Variants in LIPI observed in about 807,000 individuals in gnomAD.
The protein encoded by LIPI is lipase member I.
Under a neutral mutation model 50.6 loss-of-function variants are expected in LIPI, and 59 were observed. That is an observed-to-expected ratio of 1.16 (90% CI 0.94 to 1.45). The LOEUF (loss-of-function observed/expected upper bound fraction) is 1.45. Ranked by LOEUF, LIPI falls within the 40% of genes most tolerant of loss-of-function variation. The probability of loss-of-function intolerance (pLI) is 0.00; values close to 1 mark genes in which losing one functional copy is unlikely to be tolerated. For synonymous variants in LIPI, 203 were observed against 178.2 expected, an observed-to-expected ratio of 1.14 and a Z score of -1.11; for missense variants, 586 against 536.3, an observed-to-expected ratio of 1.09 and a Z score of -0.92.
In LIPI at chr21:14,125,055, TAACTTGAAGACATTTTTAGAC is replaced by T. The variant is rs574288021; in HGVS notation, c.1296-15996_1296-15976del. ...GAGAAATTATCTTTCAAAATGAAGATAACTTGAAGACATTTTTAGACACTAAATGTTGAAAAATTCACTACC... is the reference window on the plus strand; with the variant it reads ...GAGAAATTATCTTTCAAAATGAAGATACTAAATGTTGAAAAATTCACTACC... On this transcript the variant is annotated intron_variant, in intron 9 of 9. Coordinates refer to ENST00000681601, the MANE Select transcript of LIPI (RefSeq NM_001302998.2). Among the ~76,000 whole-genome samples, 734 of 152,220 alleles carry T rather than the reference TAACTTGAAGACATTTTTAGAC, an allele frequency of 4.8e-3. 4 individuals are homozygous for T. The highest frequency in any genetic ancestry group is 0.017 in the African/African-American group (696 of 41,540).
At chr21:14,191,326 G>C (rs1438962926) in intron 1 of LIPI, among the ~76,000 whole-genome samples, 3 of 144,380 alleles carry the variant, frequency 2.1e-5, no homozygotes, top group Non-Finnish European at 4.5e-5. Flanking sequence ...GCAGTGAGCC[G>C]AGATCCCGCC....
chr21:14,149,408 G>C (rs1433879874), intron 8 of LIPI, among the ~76,000 whole-genome samples: 1 of 152,116 alleles, frequency 6.6e-6, no homozygotes, highest in Non-Finnish European at 1.5e-5. Context: ...ACTTCGGTAG[G>C]AACACAGAGT....
At chr21:14,190,562 A>G (rs1568879020) in intron 1 of LIPI, among the ~76,000 whole-genome samples, 1 of 152,206 alleles carries the variant, frequency 6.6e-6, no homozygotes, top group Non-Finnish European at 1.5e-5. Context: ...CATTTCTTAC[A>G]ATAATTCTAG....
At chr21:14,163,786 T>C (rs575972502) in intron 6 of LIPI, among the ~76,000 whole-genome samples, 1 of 152,114 alleles carries the variant, frequency 6.6e-6, no homozygotes, top group South Asian at 2.1e-4. Flanking sequence ...CGTATGGCTA[T>C]AGTCCATTTG....
At chr21:14,116,420 C>T (rs1242057177) in intron 9 of LIPI, among the ~76,000 whole-genome samples, 4 of 152,076 alleles carry the variant, frequency 2.6e-5, no homozygotes, top group Non-Finnish European at 5.9e-5. Flanking sequence ...AGGACCCGGT[C>T]TGGTGAATCT....
rs139935600 is a variant in LIPI, at chr21:14,142,246, C to T, written c.1295+2377G>A. Among the ~76,000 whole-genome samples the T allele has an allele frequency of 1.2e-3, 179 of 152,008 alleles. 1 individual carries two copies. The East Asian group carries it at 0.025, about 21-fold the overall frequency. ...GTTGATGGGTGCAGCAAACCACCAT[C>T]GTACATGTATACCTATGTAACAAAC... On this transcript the variant is annotated intron_variant, in intron 9 of 9. Transcript: ENST00000681601.
intron 9 of LIPI, among the ~76,000 whole-genome samples, chr21:14,117,388 C>T (rs147971443): frequency 9.9e-4 from 151 of 152,320 alleles, no homozygotes; most frequent in Non-Finnish European, 1.6e-3. Flanking sequence ...CAGAGTAATA[C>T]AAGTGGCTAA....
intron 9 of LIPI, among the ~76,000 whole-genome samples, chr21:14,121,824 C>T (rs979846276): frequency 6.6e-6 from 1 of 152,166 alleles, no homozygotes; most frequent in African/African-American, 2.4e-5. Context: ...TGCGGAGGAA[C>T]CAAGGCACAG....
chr21:14,119,620 C>T (rs2016787993), intron 9 of LIPI, among the ~76,000 whole-genome samples: 1 of 152,144 alleles, frequency 6.6e-6, no homozygotes, highest in African/African-American at 2.4e-5. Flanking sequence ...GGGAAAAGAA[C>T]AGGATATGGC....
intron 1 of LIPI, among the ~76,000 whole-genome samples, chr21:14,206,285 A>AG (rs530334236): frequency 0.027 from 4,073 of 152,164 alleles, 71 homozygotes; most frequent in Admixed American, 0.032. Flanking sequence ...TTTACCTCTC[A>AG]TCTCTGAGTC....
chr21:14,113,215 G>A (rs2016485118), intron 9 of LIPI, among the ~76,000 whole-genome samples: 1 of 152,202 alleles, frequency 6.6e-6, no homozygotes, highest in Non-Finnish European at 1.5e-5. Context: ...ACTAAGCATT[G>A]TGAAGCTGGA....
At chr21:14,204,434 C>T (rs956139574) in intron 1 of LIPI, among the ~76,000 whole-genome samples, 3 of 151,818 alleles carry the variant, frequency 2.0e-5, no homozygotes, top group African/African-American at 7.3e-5. Context: ...TGAATATAAG[C>T]ATTAATATCA....
intron 9 of LIPI, among the ~76,000 whole-genome samples, chr21:14,140,790 T>G (rs1031251620): frequency 1.3e-5 from 2 of 152,288 alleles, no homozygotes; most frequent in African/African-American, 4.8e-5. Flanking sequence ...TCAAATATCT[T>G]TATTGTTGTT....
chr21:14,128,767 G>A (rs535656192), intron 9 of LIPI, among the ~76,000 whole-genome samples: 1 of 152,096 alleles, frequency 6.6e-6, no homozygotes, highest in Non-Finnish European at 1.5e-5. Flanking sequence ...AATTCACTTT[G>A]GGGCAGATAA....
At chr21:14,160,389 A>G (rs532761357) in intron 7 of LIPI, among the ~76,000 whole-genome samples, 1 of 151,462 alleles carries the variant, frequency 6.6e-6, no homozygotes, top group Non-Finnish European at 1.5e-5. Flanking sequence ...TATATTATAT[A>G]TCTCATCTAC....
intron 4 of LIPI, among the ~76,000 whole-genome samples, chr21:14,167,366 C>T (rs1334927473): frequency 1.3e-5 from 2 of 152,188 alleles, no homozygotes; most frequent in Non-Finnish European, 2.9e-5. Flanking sequence ...AGCTGTGGTT[C>T]TCCCAGCACG....
rs756951429 is a variant in LIPI, at chr21:14,143,056, T to C, written c.1295+1567A>G. Among the ~76,000 whole-genome samples the C allele has an allele frequency of 2.4e-4, 37 of 152,114 alleles. 1 individual carries two copies. The highest frequency in any genetic ancestry group is 5.0e-4 in the Non-Finnish European group (34 of 68,014). On this transcript the variant is annotated intron_variant, in intron 9 of 9. Coordinates refer to ENST00000681601, the MANE Select transcript of LIPI (RefSeq NM_001302998.2). The stretch of plus-strand genomic sequence containing the variant: ...CAGCGAAATATGCCTACTCCACAAT[T>C]GTATTTGCTGTTCTAATGACCAGAT...
intron 1 of LIPI, among the ~76,000 whole-genome samples, chr21:14,203,434 C>A (rs1208326140): frequency 2.0e-5 from 3 of 152,076 alleles, no homozygotes; most frequent in Non-Finnish European, 1.5e-5. Flanking sequence ...GGAACCAACC[C>A]AAATGTCCAT....
intron 1 of LIPI, chr21:14,206,735 T>C (rs1030739857): frequency 2.0e-5 from 17 of 832,736 alleles, no homozygotes; most frequent in African/African-American, 1.4e-4. Flanking sequence ...TATCACTTCA[T>C]GGCAAGCCCA....
Sources: gnomAD v4.1 joint callset for allele counts (sites outside exome capture counted in the v4.1 genomes callset) on GRCh38, gnomAD v4.1.1 for gene constraint, MANE v1.5 for transcripts, NCBI Gene and HGNC (gene_info 2026-07-23, HGNC 2026-07-21) for gene names.